Variants in SNTB2 observed in about 807,000 individuals in gnomAD.
The protein encoded by SNTB2 is syntrophin beta 2.
Under a neutral mutation model 46.2 loss-of-function variants are expected in SNTB2, and 34 were observed. The ratio of observed to expected loss-of-function variants is 0.74; its 90% CI spans 0.56 to 0.98. The LOEUF is 0.98. SNTB2 is among the 50% of genes least tolerant of loss of function. SNTB2 has a pLI of 0.00. For missense variants in SNTB2, 603 were observed against 731.4 expected (o/e 0.82, Z 2.02); for synonymous variants, 290 against 312.6 (o/e 0.93, Z 0.76).
At chr16:69,196,655 G>A (rs1037785032) in intron 1 of SNTB2, among the ~76,000 whole-genome samples, 8 of 152,084 alleles carry the variant, frequency 5.3e-5, no homozygotes, top group Non-Finnish European at 8.8e-5. Flanking sequence ...TTACAGGCGT[G>A]AGCCACCGCA....
At chr16:69,256,047 G>C (rs1022188846) in intron 2 of SNTB2, among the ~76,000 whole-genome samples, 2 of 151,840 alleles carry the variant, frequency 1.3e-5, no homozygotes, top group Non-Finnish European at 2.9e-5. Flanking sequence ...CTAGCCATGC[G>C]TGGTGGCCGG....
At chr16:69,299,562 A>G in intron 5 of SNTB2, 28 bp from the exon 6 acceptor site, 7 of 1,605,674 alleles carry the variant, frequency 4.4e-6, no homozygotes, top group East Asian at 2.2e-5. Context: ...CAACTTTACA[A>G]CTAATGTTTT....
At chr16:69,275,672 A>G (rs985589525) in intron 4 of SNTB2, among the ~76,000 whole-genome samples, 13 of 152,234 alleles carry the variant, frequency 8.5e-5, no homozygotes, top group Admixed American at 2.6e-4. Flanking sequence ...GGGGAAAGGG[A>G]GTGTTTGAGA....
chr16:69,292,435 TTATATATATATA>T (rs1567416553), intron 5 of SNTB2, among the ~76,000 whole-genome samples: 1 of 10,486 alleles, frequency 9.5e-5, no homozygotes, highest in African/African-American at 4.4e-4. Context: ...TATATATATA[TTATATATATATA>T]ATTTTTTTTT....
Position 69,296,141 on chromosome 16 carries a change from C to T in SNTB2, c.1346-3449C>T, listed in dbSNP as rs992331577. ...CTAAAAATACAAAAAATTAGCCAGG[C>T]GTGGTGGCGCAGGCCTTAATCCCAG... On this transcript the variant is annotated intron_variant, in intron 5 of 6. Coordinates refer to ENST00000336278, the MANE Select transcript of SNTB2 (RefSeq NM_006750.4). Among the ~76,000 whole-genome samples the T allele has an allele frequency of 4.6e-5, 7 of 151,708 alleles. No homozygotes were observed. The South Asian group carries it at 8.3e-4, about 18-fold the overall frequency.
At chr16:69,281,757 C>T (rs918286867) in intron 4 of SNTB2, among the ~76,000 whole-genome samples, 3 of 151,290 alleles carry the variant, frequency 2.0e-5, no homozygotes, top group African/African-American at 7.3e-5. Flanking sequence ...ACAGGAGAAT[C>T]GCTTGAACCC....
chr16:69,296,415 A>C (rs1012528533), intron 5 of SNTB2, among the ~76,000 whole-genome samples: 3 of 151,636 alleles, frequency 2.0e-5, no homozygotes, highest in African/African-American at 4.8e-5. Context: ...AAACAATCCA[A>C]AACAGAACAT....
intron 1 of SNTB2, among the ~76,000 whole-genome samples, chr16:69,203,174 C>A (rs1026491531): frequency 1.3e-5 from 2 of 151,956 alleles, no homozygotes; most frequent in Non-Finnish European, 2.9e-5. Flanking sequence ...CCCACCACCA[C>A]GCCTGGCTAA....
At chr16:69,259,600 ATC>A (rs1964815472) in intron 2 of SNTB2, among the ~76,000 whole-genome samples, 1 of 132,850 alleles carries the variant, frequency 7.5e-6, no homozygotes, top group South Asian at 2.4e-4. Flanking sequence ...AAGAGAAAGT[ATC>A]TTTTTTTTTT....
intron 5 of SNTB2, among the ~76,000 whole-genome samples, chr16:69,292,390 TTA>T (rs1233537704): frequency 0.18 from 2,356 of 12,744 alleles, 419 homozygotes; most frequent in East Asian, 0.49. Context: ...TATATATATA[TTA>T]TATATATATA....
At chr16:69,198,355 A>T (rs1964126285) in intron 1 of SNTB2, among the ~76,000 whole-genome samples, 1 of 152,082 alleles carries the variant, frequency 6.6e-6, no homozygotes, top group African/African-American at 2.4e-5. Flanking sequence ...GCAATCCACC[A>T]GCCTCGGCCT....
intron 1 of SNTB2, among the ~76,000 whole-genome samples, chr16:69,214,316 T>G (rs1964324834): frequency 6.8e-6 from 1 of 147,180 alleles, no homozygotes; most frequent in African/African-American, 2.5e-5. Flanking sequence ...TATTTTGTAT[T>G]TTGTATTTTT....
intron 5 of SNTB2, among the ~76,000 whole-genome samples, chr16:69,291,837 G>C (rs1282740320): frequency 6.6e-6 from 1 of 152,166 alleles, no homozygotes; most frequent in East Asian, 1.9e-4. Flanking sequence ...TACTCAGGTG[G>C]CTGAAGTGGG....
At chr16:69,195,305 C>T (rs1389244665) in intron 1 of SNTB2, among the ~76,000 whole-genome samples, 1 of 152,034 alleles carries the variant, frequency 6.6e-6, no homozygotes, top group Non-Finnish European at 1.5e-5. Context: ...GGGTTTCACT[C>T]TGTTGCCCAG....
intron 3 of SNTB2, among the ~76,000 whole-genome samples, chr16:69,261,432 A>G (rs1964833927): frequency 6.6e-6 from 1 of 151,584 alleles, no homozygotes; most frequent in Admixed American, 6.6e-5. Flanking sequence ...AATTGTGGTA[A>G]TTGAGGGGCC....
intron 1 of SNTB2, chr16:69,240,709 A>G (rs1386507366): frequency 6.6e-6 from 1 of 152,270 alleles, no homozygotes; most frequent in African/African-American, 2.4e-5. Flanking sequence ...TAAGAGTTAG[A>G]GATAAAAAGG....
rs536558180 is a variant in SNTB2 at position 69,249,461 on chromosome 16, T to A, written c.794+3646T>A. On this transcript the variant is annotated intron_variant, in intron 2 of 6. Transcript: ENST00000336278. ...GGCAAAGAAGGAAGGAAGAAGATGATATGACTTGGCTGTATTGCTAAACGT... is the reference window on the plus strand; with the variant it reads ...GGCAAAGAAGGAAGGAAGAAGATGAAATGACTTGGCTGTATTGCTAAACGT... Among the ~76,000 whole-genome samples, 15 of 152,340 alleles carry A rather than the reference T, an allele frequency of 9.8e-5. No homozygotes were observed. In the South Asian group the frequency reaches 2.7e-3, roughly 27 times the overall value.
intron 1 of SNTB2, chr16:69,230,533 T>C (rs1964497115): frequency 6.6e-6 from 1 of 151,938 alleles, no homozygotes; most frequent in Non-Finnish European, 1.5e-5. Context: ...GGCTAAGTTT[T>C]TGTATTTTTA....
intron 1 of SNTB2, among the ~76,000 whole-genome samples, chr16:69,211,148 TA>T (rs1022783236): frequency 7.3e-5 from 11 of 151,272 alleles, no homozygotes; most frequent in African/African-American, 1.9e-4. Flanking sequence ...ATGGGCTGAT[TA>T]AAAAAAACCC....
Sources: gnomAD v4.1 joint callset for allele counts (sites outside exome capture counted in the v4.1 genomes callset) on GRCh38, gnomAD v4.1.1 for gene constraint, MANE v1.5 for transcripts, NCBI Gene and HGNC (gene_info 2026-07-23, HGNC 2026-07-21) for gene names.